RXRB: variants seen among roughly 807,000 people sequenced by gnomAD.
RXRB encodes the protein retinoic acid receptor RXR-beta.
A neutral mutation model predicts 52.5 loss-of-function variants in RXRB; 18 were observed. That is an observed-to-expected ratio of 0.34 (90% CI 0.24 to 0.51). RXRB has a LOEUF of 0.51. Ranked by LOEUF, RXRB falls within the 20% of genes least tolerant of loss-of-function variation. The pLI is 0.97. For synonymous variants in RXRB, 233 were observed against 267.1 expected (o/e 0.87, Z 1.25); for missense variants, 455 against 698.2 (o/e 0.65, Z 3.92).
In RXRB at chr6:33,196,292, G is replaced by C; in HGVS notation, c.993+142C>G. 9.8e-7 allele frequency: 1 copy of C among 1,017,542 alleles called. No individual in the cohort carries two copies. The highest frequency in any genetic ancestry group is 1.5e-6 in the Non-Finnish European group (1 of 646,210). The allele number at this position is 1,017,542 out of a possible 1,614,324, so 63.0% of individuals were successfully genotyped here. ...TCACATCCACCTCAGATGTTTGAAAGACCTTGTTTGGCAGCACCTCCAGTC... is the reference window on the plus strand; with the variant it reads ...TCACATCCACCTCAGATGTTTGAAACACCTTGTTTGGCAGCACCTCCAGTC... On this transcript the variant is annotated intron_variant, in intron 5 of 9. Coordinates refer to ENST00000374680, the MANE Select transcript of RXRB (RefSeq NM_021976.5). The surrounding 1 kb of genome is among the most constrained non-coding windows in gnomAD (Gnocchi z 4.0).
In RXRB at chr6:33,193,963, A is replaced by G. The variant is rs1189938179; in HGVS notation, c.*719T>C. On this transcript the variant is annotated 3_prime_UTR_variant, in exon 10 of 10. Coordinates refer to ENST00000374680, the MANE Select transcript of RXRB (RefSeq NM_021976.5). ...GCCATTTCAGGGCCCTGCCTTTCCC[A>G]AACACCCACCTCCACCACTGGCATT... 1 of 152,344 alleles carries G rather than the reference A, an allele frequency of 6.6e-6. No homozygotes were observed. Among genetic ancestry groups the G allele is most frequent in the African/African-American group, 2.4e-5 (1 of 41,560 alleles). The allele number at this position is 152,344 out of a possible 1,614,324, so 9.4% of individuals were successfully genotyped here. A position where few individuals can be genotyped will look rare whatever the true frequency, so the allele number is the denominator to read the frequency against.
chr6:33,200,122 A>C lies in RXRB; in HGVS notation c.235+120T>G. On this transcript the variant is annotated intron_variant, in intron 1 of 9. Coordinates refer to ENST00000374680, the MANE Select transcript of RXRB (RefSeq NM_021976.5). This position sits in a 1 kb window ranked among gnomAD's most constrained non-coding sequence, Gnocchi z 6.3. Reference sequence around the variant, plus strand: ...TGCTAAGGCCCTCGGGAGGGAGGGGACGCGTGTTTACAAACAAGGGGGCGG... The same window carrying C: ...TGCTAAGGCCCTCGGGAGGGAGGGGCCGCGTGTTTACAAACAAGGGGGCGG... The C allele has an allele frequency of 4.5e-6, 6 of 1,328,890 alleles. No homozygotes were observed. Among genetic ancestry groups the C allele is most frequent in the South Asian group, 1.2e-5 (1 of 85,164 alleles). The allele number at this position is 1,328,890 out of a possible 1,614,324, so 82.3% of individuals were successfully genotyped here.
Position 33,199,289 on chromosome 6 carries a change from TG to T in RXRB, c.362del (p.Pro121HisfsTer59). ...CCAGTGGGGGTGGTGGCATCGGGGG[TG>T]GGGGTGGGGCCCCAGAGCCTCCAAG... ...PSLGGSGAPP[P>X]PPMPPPPLGS... On this transcript the variant is annotated frameshift_variant, in exon 2 of 10. Coordinates refer to ENST00000374680, the MANE Select transcript of RXRB (RefSeq NM_021976.5). LOFTEE classifies it high-confidence loss of function. 5 of 43,322 alleles carry T rather than the reference TG, an allele frequency of 1.2e-4. No individual in the cohort carries two copies. The highest frequency in any genetic ancestry group is 1.6e-4 in the Non-Finnish European group (5 of 31,758). The allele number at this position is 43,322 out of a possible 1,614,324, so 2.7% of individuals were successfully genotyped here.
At position 33,197,955 on chromosome 6, in the gene RXRB, G is replaced by A; in HGVS notation, c.641-14C>T. 1.2e-6 allele frequency: 2 copies of A among 1,611,324 alleles called. No homozygotes were observed. The highest frequency in any genetic ancestry group is 2.7e-5 in the African/African-American group (2 of 74,996). On this transcript the variant is annotated splice_polypyrimidine_tract_variant and intron_variant, in intron 3 of 9. Transcript: ENST00000374680. This position sits in a 1 kb window ranked among gnomAD's most constrained non-coding sequence, Gnocchi z 4.4. ...CGTAGTGTTTGCCTACAGGGAAAGG[G>A]GAGGAGCAATAAGAAGGTTGCATGG...
chr6:33,196,159 C>G lies in RXRB; in HGVS notation c.994-123G>C. The G allele has an allele frequency of 8.1e-7, 1 of 1,236,840 alleles. No homozygotes were observed. The highest frequency in any genetic ancestry group is 1.2e-6 in the Non-Finnish European group (1 of 862,744). 76.6% of individuals were successfully genotyped at this position (1,236,840 alleles called of 1,614,324 possible). On this transcript the variant is annotated intron_variant, in intron 5 of 9. Transcript: ENST00000374680. The surrounding 1 kb of genome is among the most constrained non-coding windows in gnomAD (Gnocchi z 4.0). ...CCTGTGAGCCCCATCCAAACCAATC[C>G]CTGTAAGTGAGTCTTCTCTTCTGGC...
chr6:33,193,650 A>C lies in RXRB; in HGVS notation c.*1032T>G, dbSNP rs1393123543. On this transcript the variant is annotated 3_prime_UTR_variant, in exon 10 of 10. Transcript: ENST00000374680. ...TGTATGAGAGGGGAAAGGAGCCCCA[A>C]AGAGAAGGGACGCAGGGCAAAAATC... The C allele has an allele frequency of 2.0e-5, 3 of 152,094 alleles. No homozygotes were observed. Among genetic ancestry groups the C allele is most frequent in the African/African-American group, 7.2e-5 (3 of 41,390 alleles). The allele number at this position is 152,094 out of a possible 1,614,324, so 9.4% of individuals were successfully genotyped here. A position where few individuals can be genotyped will look rare whatever the true frequency, so the allele number is the denominator to read the frequency against.
chr6:33,199,537 C>T (rs1312655338), intron 1 of RXRB, 121 bp from the exon 2 acceptor site: 3 of 764,532 alleles, frequency 3.9e-6, no homozygotes, highest in Non-Finnish European at 5.7e-6. Context: ...CCGTGCCGGA[C>T]CCAGCCCACT....
Position 33,200,169 on chromosome 6 carries a change from G to T in RXRB, c.235+73C>A. On this transcript the variant is annotated intron_variant, in intron 1 of 9. Transcript: ENST00000374680. This position sits in a 1 kb window ranked among gnomAD's most constrained non-coding sequence, Gnocchi z 6.3. ...GCGGGAGCGCAAGGAAAAGAGCACCGGGGGAGGGTGTGGGGGAGGGGTCGC... is the reference window on the plus strand; with the variant it reads ...GCGGGAGCGCAAGGAAAAGAGCACCTGGGGAGGGTGTGGGGGAGGGGTCGC... 1 of 1,566,106 alleles carries T rather than the reference G, an allele frequency of 6.4e-7. No individual in the cohort carries two copies. The highest frequency in any genetic ancestry group is 8.7e-7 in the Non-Finnish European group (1 of 1,149,610).
chr6:33,200,382 A>T lies in RXRB; in HGVS notation c.95T>A (p.Val32Asp). 3 of 1,563,262 alleles carry T rather than the reference A, an allele frequency of 1.9e-6. No individual in the cohort carries two copies. Among genetic ancestry groups the T allele is most frequent in the Non-Finnish European group, 1.7e-6 (2 of 1,156,398 alleles). The change falls in exon 1 of 10, where the codon GTC becomes GAC. Residue 32 changes from valine (V) to aspartate (D), a missense_variant. Transcript: ENST00000374680. This position sits in a 1 kb window ranked among gnomAD's most constrained non-coding sequence, Gnocchi z 6.3. ...CCGTCGCCGCCGCCACCGGGACGCGACCCCACAATGCATTTCTTTTCGCAC... is the reference window on the plus strand; with the variant it reads ...CCGTCGCCGCCGCCACCGGGACGCGTCCCCACAATGCATTTCTTTTCGCAC... ...VGVRKEMHCG[V>D]ASRWRRRRPW...
rs10548957 is a variant in RXRB at position 33,195,860 on chromosome 6, AAG to A, written c.1123+45_1123+46del. The A allele has an allele frequency of 0.053, 85,989 of 1,610,020 alleles. 4,565 individuals carry two copies. Among genetic ancestry groups the A allele is most frequent in the African/African-American group, 0.27 (20,552 of 74,820 alleles). ...GGGGTCACTAAAGATCGGGAAGTCA[AAG>A]AGGGGTCAAATGTCAAGAAGTCAAA... is the stretch of plus-strand genomic sequence containing the variant. On this transcript the variant is annotated intron_variant, in intron 6 of 9. Transcript: ENST00000374680. This position sits in a 1 kb window ranked among gnomAD's most constrained non-coding sequence, Gnocchi z 8.6.
chr6:33,194,628 C>G lies in RXRB; in HGVS notation c.*54G>C. 6.3e-7 allele frequency: 1 copy of G among 1,582,472 alleles called. No homozygotes were observed. The highest frequency in any genetic ancestry group is 1.1e-5 in the South Asian group (1 of 86,980). On this transcript the variant is annotated 3_prime_UTR_variant, in exon 10 of 10. Coordinates refer to ENST00000374680, the MANE Select transcript of RXRB (RefSeq NM_021976.5). This position sits in a 1 kb window ranked among gnomAD's most constrained non-coding sequence, Gnocchi z 4.1. ...CCCACCCTGCCCCAGGGCTTGGAGT[C>G]CCTCTTGGATGTGTGCTCCTCCAGT...
Position 33,200,035 on chromosome 6 carries a change from T to A in RXRB, c.235+207A>T. ...CCCGCGACCTCCGGTGCCCAAGGCCTCAAGCGGTCACAGCTAGGAGGGCGG... is the reference window on the plus strand; with the variant it reads ...CCCGCGACCTCCGGTGCCCAAGGCCACAAGCGGTCACAGCTAGGAGGGCGG... On this transcript the variant is annotated intron_variant, in intron 1 of 9. Transcript: ENST00000374680. This position sits in a 1 kb window ranked among gnomAD's most constrained non-coding sequence, Gnocchi z 6.3. 1.2e-6 allele frequency: 1 copy of A among 826,996 alleles called. No homozygotes were observed. The highest frequency in any genetic ancestry group is 2.1e-6 in the Non-Finnish European group (1 of 475,252). 51.2% of individuals were successfully genotyped at this position (826,996 alleles called of 1,614,324 possible).
At position 33,195,854 on chromosome 6, in the gene RXRB, A is replaced by T. The variant is rs1773854733; in HGVS notation, c.1123+53T>A. 3 of 1,605,218 alleles carry T rather than the reference A, an allele frequency of 1.9e-6. No homozygotes were observed. Among genetic ancestry groups the T allele is most frequent in the African/African-American group, 2.8e-5 (2 of 71,400 alleles). On this transcript the variant is annotated intron_variant, in intron 6 of 9. Transcript: ENST00000374680. The surrounding 1 kb of genome is among the most constrained non-coding windows in gnomAD (Gnocchi z 8.6). ...GCCACTGGGGTCACTAAAGATCGGG[A>T]AGTCAAAGAGGGGTCAAATGTCAAG...
At chr6:33,198,779 T>G in intron 2 of RXRB, 1 of 492,898 alleles carries the variant, frequency 2.0e-6, no homozygotes, top group Non-Finnish European at 3.7e-6. Flanking sequence ...CCGGGCGTGG[T>G]GGTAGGCACC....
Position 33,199,019 on chromosome 6 carries a change from G to A in RXRB, c.483+150C>T, listed in dbSNP as rs918133580. On this transcript the variant is annotated intron_variant, in intron 2 of 9. Coordinates refer to ENST00000374680, the MANE Select transcript of RXRB (RefSeq NM_021976.5). The stretch of plus-strand genomic sequence containing the variant: ...CTGAAAGATCAGTCACCTCAGGAAA[G>A]GCAAGGGGTCTCATAAAGACCACAG... 3.4e-5 allele frequency: 16 copies of A among 471,198 alleles called. No individual in the cohort carries two copies. The Admixed American group carries it at 6.3e-4, about 19-fold the overall frequency. The allele number at this position is 471,198 out of a possible 1,614,324, so 29.2% of individuals were successfully genotyped here. A position where few individuals can be genotyped will look rare whatever the true frequency, so the allele number is the denominator to read the frequency against.
chr6:33,194,899 C>A lies in RXRB; in HGVS notation c.1454+46G>T. 6.2e-7 allele frequency: 1 copy of A among 1,610,538 alleles called. No homozygotes were observed. The highest frequency in any genetic ancestry group is 8.5e-7 in the Non-Finnish European group (1 of 1,178,084). On this transcript the variant is annotated intron_variant, in intron 9 of 9. Coordinates refer to ENST00000374680, the MANE Select transcript of RXRB (RefSeq NM_021976.5). This position sits in a 1 kb window ranked among gnomAD's most constrained non-coding sequence, Gnocchi z 4.1. ...GGGCCCTGAACACATCCTCATAGCA[C>A]TCCCCACCCCCAAGGGAGCCTCAGT... is the stretch of plus-strand genomic sequence containing the variant.
Position 33,200,559 on chromosome 6 carries a change from GC to G in RXRB, c.-84del. ...CGGAGGATTAGCTGAGCACGAGGAA[GC>G]CCCTGAGAGAAAGACTCTGGCCTGG... is the stretch of plus-strand genomic sequence containing the variant. On this transcript the variant is annotated 5_prime_UTR_variant, in exon 1 of 10. Transcript: ENST00000374680. This position sits in a 1 kb window ranked among gnomAD's most constrained non-coding sequence, Gnocchi z 6.3. 6.7e-7 allele frequency: 1 copy of G among 1,497,476 alleles called. No homozygotes were observed. The highest frequency in any genetic ancestry group is 1.4e-5 in the African/African-American group (1 of 72,364). 92.8% of individuals were successfully genotyped at this position (1,497,476 alleles called of 1,614,324 possible).
At chr6:33,199,528 C>A in intron 1 of RXRB, 112 bp from the exon 2 acceptor site, 2 of 868,402 alleles carry the variant, frequency 2.3e-6, no homozygotes, top group South Asian at 8.6e-5. Context: ...AATACCCCAC[C>A]GTGCCGGACC....
In RXRB at chr6:33,196,701, G is replaced by T. The variant is rs1437138373; in HGVS notation, c.821-95C>A. On this transcript the variant is annotated intron_variant, in intron 4 of 9. Coordinates refer to ENST00000374680, the MANE Select transcript of RXRB (RefSeq NM_021976.5). This position sits in a 1 kb window ranked among gnomAD's most constrained non-coding sequence, Gnocchi z 4.0. The stretch of plus-strand genomic sequence containing the variant: ...CTTACGGCCTCATCAGGATCTCATG[G>T]CCCTTGGGAGATATTTATAGGAATT... 20 of 1,093,464 alleles carry T rather than the reference G, an allele frequency of 1.8e-5. No homozygotes were observed. Among genetic ancestry groups the T allele is most frequent in the Non-Finnish European group, 2.6e-5 (20 of 756,102 alleles). The allele number at this position is 1,093,464 out of a possible 1,614,324, so 67.7% of individuals were successfully genotyped here.
Sources: gnomAD v4.1 joint callset for allele counts on GRCh38, gnomAD v4.1.1 for gene constraint, Gnocchi (gnomAD v3.1) non-coding constraint, MANE v1.5 for transcripts, NCBI Gene and HGNC (gene_info 2026-07-23, HGNC 2026-07-21) for gene names.